ASB18: variants seen among roughly 807,000 people sequenced by gnomAD.
The protein encoded by ASB18 is ankyrin repeat and SOCS box containing 18, also known as ankyrin repeat and SOCS box protein 18.
A neutral mutation model predicts 33.4 loss-of-function variants in ASB18; 33 were observed. The observed-to-expected ratio is 0.99, with a 90% CI of 0.75 to 1.32. ASB18 has a LOEUF of 1.32. ASB18 is among the 40% of genes most tolerant of loss of function. The pLI, the probability that ASB18 is intolerant of heterozygous loss-of-function variation, is 0.00. For synonymous variants in ASB18, 295 were observed against 307.6 expected (o/e 0.96, Z 0.43); for missense variants, 694 against 655.5 (o/e 1.06, Z -0.64).
At position 236,200,685 on chromosome 2, in the gene ASB18, A is replaced by T. The variant is rs1247099158; in HGVS notation, c.1102-4300T>A. Among the ~76,000 whole-genome samples the T allele has an allele frequency of 1.3e-5, 2 of 152,210 alleles. No individual in the cohort carries two copies. The highest frequency in any genetic ancestry group is 2.9e-5 in the Non-Finnish European group (2 of 68,040). On this transcript the variant is annotated intron_variant, in intron 4 of 5. Transcript: ENST00000409749. This position sits in a 1 kb window ranked among gnomAD's most constrained non-coding sequence, Gnocchi z 4.2. ...GAAGGCAGAGGGCCGAGAGCTGTAG[A>T]ATGAGGTCCATACGGATCCATAAAG...
In ASB18 at chr2:236,234,517, T is replaced by C. The variant is rs13401552; in HGVS notation, c.596+3172A>G. Reference sequence around the variant, plus strand: ...TGGCTACTCTTCCTTTCACTCTTTATATAATAGAGTGGCTCCTCACGTCTT... The same window carrying C: ...TGGCTACTCTTCCTTTCACTCTTTACATAATAGAGTGGCTCCTCACGTCTT... On this transcript the variant is annotated intron_variant, in intron 3 of 5. Coordinates refer to ENST00000409749, the MANE Select transcript of ASB18 (RefSeq NM_212556.4). This position sits in a 1 kb window ranked among gnomAD's most constrained non-coding sequence, Gnocchi z 4.1. Among the ~76,000 whole-genome samples the C allele has an allele frequency of 4.1e-3, 619 of 152,326 alleles. 3 individuals are homozygous for C. Among genetic ancestry groups the C allele is most frequent in the African/African-American group, 0.014 (580 of 41,578 alleles).
chr2:236,248,833 G>A lies in ASB18; in HGVS notation c.206-7431C>T, dbSNP rs1021912352. 6.6e-6 allele frequency: 1 copy of A among 152,162 alleles called. No homozygotes were observed. The highest frequency in any genetic ancestry group is 1.5e-5 in the Non-Finnish European group (1 of 68,036). The allele number at this position is 152,162 out of a possible 1,614,324, so 9.4% of individuals were successfully genotyped here. On this transcript the variant is annotated intron_variant, in intron 1 of 5. Transcript: ENST00000409749. This position sits in a 1 kb window ranked among gnomAD's most constrained non-coding sequence, Gnocchi z 4.9. ...CATGACACAGCCAAGATTCCAAAAGGTCTCCACAGGTCAGAGCAACAGGCC... is the reference window on the plus strand; with the variant it reads ...CATGACACAGCCAAGATTCCAAAAGATCTCCACAGGTCAGAGCAACAGGCC...
chr2:236,219,290 G>A lies in ASB18; in HGVS notation c.597-4424C>T, dbSNP rs533261474. ...TTTCAAGTTATCCAAAATAAGTCAA[G>A]GTGCAGTTTGATACAAGAACCACAA... is the stretch of plus-strand genomic sequence containing the variant. On this transcript the variant is annotated intron_variant, in intron 3 of 5. Coordinates refer to ENST00000409749, the MANE Select transcript of ASB18 (RefSeq NM_212556.4). This position sits in a 1 kb window ranked among gnomAD's most constrained non-coding sequence, Gnocchi z 6.4. 8.8e-3 allele frequency among the ~76,000 whole-genome samples: 1,342 copies of A among 152,232 alleles called. 7 individuals are homozygous for A. The highest frequency in any genetic ancestry group is 0.012 in the Non-Finnish European group (818 of 68,024).
intron 1 of ASB18, among the ~76,000 whole-genome samples, chr2:236,243,173 A>G (rs1293093090): frequency 6.6e-6 from 1 of 151,644 alleles, no homozygotes; most frequent in African/African-American, 2.4e-5. Context: ...TACTAAAAAT[A>G]CAAAAAATTA....
rs75568596 is a variant in ASB18, at chr2:236,245,734, G to T, written c.206-4332C>A. ...CACTTCACCATGAGCTTTTTTGGAG[G>T]ACGGTGGGGGCTGCTGCTTCCTCTC... On this transcript the variant is annotated intron_variant, in intron 1 of 5. Transcript: ENST00000409749. The surrounding 1 kb of genome is among the most constrained non-coding windows in gnomAD (Gnocchi z 4.7). 0.01 allele frequency among the ~76,000 whole-genome samples: 1,573 copies of T among 152,268 alleles called. 24 individuals are homozygous for T. Among genetic ancestry groups the T allele is most frequent in the African/African-American group, 0.036 (1,500 of 41,540 alleles).
Position 236,223,158 on chromosome 2 carries a change from T to G in ASB18, c.597-8292A>C, listed in dbSNP as rs966829586. On this transcript the variant is annotated intron_variant, in intron 3 of 5. Coordinates refer to ENST00000409749, the MANE Select transcript of ASB18 (RefSeq NM_212556.4). The surrounding 1 kb of genome is among the most constrained non-coding windows in gnomAD (Gnocchi z 4.6). ...GCAGATCCCAGCATTATGCTTCCTG[T>G]ACAGCCTGCAGAACTGTGAGCCAAT... is the stretch of plus-strand genomic sequence containing the variant. Among the ~76,000 whole-genome samples, 2 of 152,244 alleles carry G rather than the reference T, an allele frequency of 1.3e-5. No individual in the cohort carries two copies. The highest frequency in any genetic ancestry group is 4.8e-5 in the African/African-American group (2 of 41,464).
Position 236,216,029 on chromosome 2 carries a change from T to C in ASB18, c.597-1163A>G, listed in dbSNP as rs1576399139. On this transcript the variant is annotated intron_variant, in intron 3 of 5. Transcript: ENST00000409749. This position sits in a 1 kb window ranked among gnomAD's most constrained non-coding sequence, Gnocchi z 6.1. ...GGGCAGCACTGTGGTCACCTCGTCA[T>C]CTGCATCCTCAGTTCCCTTGAATGG... Among the ~76,000 whole-genome samples, 1 of 152,154 alleles carries C rather than the reference T, an allele frequency of 6.6e-6. No homozygotes were observed. The highest frequency in any genetic ancestry group is 1.9e-4 in the East Asian group (1 of 5,182).
At position 236,216,161 on chromosome 2, in the gene ASB18, G is replaced by A. The variant is rs992645148; in HGVS notation, c.597-1295C>T. Among the ~76,000 whole-genome samples the A allele has an allele frequency of 3.9e-5, 6 of 152,152 alleles. No individual in the cohort carries two copies. The highest frequency in any genetic ancestry group is 7.3e-5 in the Non-Finnish European group (5 of 68,030). On this transcript the variant is annotated intron_variant, in intron 3 of 5. Coordinates refer to ENST00000409749, the MANE Select transcript of ASB18 (RefSeq NM_212556.4). The surrounding 1 kb of genome is among the most constrained non-coding windows in gnomAD (Gnocchi z 6.1). ...GGTCTGCCGAGCCCTGTTGGAGGAC[G>A]CAGCCTTCATGGAGCTGGCCTTGGT... is the stretch of plus-strand genomic sequence containing the variant.
At position 236,245,095 on chromosome 2, in the gene ASB18, G is replaced by T. The variant is rs58895794; in HGVS notation, c.206-3693C>A. 3.9e-5 allele frequency among the ~76,000 whole-genome samples: 6 copies of T among 152,152 alleles called. No homozygotes were observed. Among genetic ancestry groups the T allele is most frequent in the East Asian group, 1.9e-4 (1 of 5,172 alleles). ...GTGAGAGTCAACCTCAGCTGGGTGT[G>T]GGGGGAGACTTGGCCATGACCCAAA... On this transcript the variant is annotated intron_variant, in intron 1 of 5. Coordinates refer to ENST00000409749, the MANE Select transcript of ASB18 (RefSeq NM_212556.4). The surrounding 1 kb of genome is among the most constrained non-coding windows in gnomAD (Gnocchi z 4.7).
rs2060706508 is a variant in ASB18, at chr2:236,259,075, C to G, written c.205+5066G>C. On this transcript the variant is annotated intron_variant, in intron 1 of 5. Transcript: ENST00000409749. This position sits in a 1 kb window ranked among gnomAD's most constrained non-coding sequence, Gnocchi z 4.4. ...GTCTCACTGCCCCTCCCCCAGCCGT[C>G]CTTTCTCCCTCTCTGTGTTCTCTGC... 6.6e-6 allele frequency among the ~76,000 whole-genome samples: 1 copy of G among 152,194 alleles called. No individual in the cohort carries two copies. The highest frequency in any genetic ancestry group is 2.4e-5 in the African/African-American group (1 of 41,448).
rs142301906 is a variant in ASB18, at chr2:236,216,101, G to A, written c.597-1235C>T. On this transcript the variant is annotated intron_variant, in intron 3 of 5. Coordinates refer to ENST00000409749, the MANE Select transcript of ASB18 (RefSeq NM_212556.4). The surrounding 1 kb of genome is among the most constrained non-coding windows in gnomAD (Gnocchi z 6.1). ...ACTCAAATGGCCGAATCTTCAAGCCGGAGTCCATTCTTCACCCCCCTCCTT... is the reference window on the plus strand; with the variant it reads ...ACTCAAATGGCCGAATCTTCAAGCCAGAGTCCATTCTTCACCCCCCTCCTT... 7.9e-5 allele frequency among the ~76,000 whole-genome samples: 12 copies of A among 152,280 alleles called. No individual in the cohort carries two copies. Among genetic ancestry groups the A allele is most frequent in the African/African-American group, 2.6e-4 (11 of 41,558 alleles).
Position 236,221,327 on chromosome 2 carries a change from T to C in ASB18, c.597-6461A>G, listed in dbSNP as rs1282012179. ...TGAGTGGGGAAAGGGACATTGCTTCTGAACATTTTGTTAGTAATGTTAAAC... is the reference window on the plus strand; with the variant it reads ...TGAGTGGGGAAAGGGACATTGCTTCCGAACATTTTGTTAGTAATGTTAAAC... On this transcript the variant is annotated intron_variant, in intron 3 of 5. Transcript: ENST00000409749. The surrounding 1 kb of genome is among the most constrained non-coding windows in gnomAD (Gnocchi z 5.6). Among the ~76,000 whole-genome samples the C allele has an allele frequency of 1.3e-5, 2 of 152,256 alleles. No individual in the cohort carries two copies. Among genetic ancestry groups the C allele is most frequent in the Non-Finnish European group, 2.9e-5 (2 of 68,048 alleles).
In ASB18 at chr2:236,263,582, A is replaced by T. The variant is rs1036451326; in HGVS notation, c.205+559T>A. ...AAAATGTTATGTTCTTGTTCCAGTT[A>T]TATGGCTCCTAGGAATTTATGGTAA... On this transcript the variant is annotated intron_variant, in intron 1 of 5. Coordinates refer to ENST00000409749, the MANE Select transcript of ASB18 (RefSeq NM_212556.4). This position sits in a 1 kb window ranked among gnomAD's most constrained non-coding sequence, Gnocchi z 4.0. Among the ~76,000 whole-genome samples the T allele has an allele frequency of 6.6e-6, 1 of 152,254 alleles. No homozygotes were observed. The highest frequency in any genetic ancestry group is 2.4e-5 in the African/African-American group (1 of 41,476).
intron 4 of ASB18, among the ~76,000 whole-genome samples, chr2:236,199,732 GT>G (rs1476011000): frequency 6.6e-6 from 1 of 151,170 alleles, no homozygotes; most frequent in African/African-American, 2.4e-5. Flanking sequence ...AGCTATTTTT[GT>G]CAAGTTTTAA....
At position 236,219,766 on chromosome 2, in the gene ASB18, G is replaced by A. The variant is rs1035854368; in HGVS notation, c.597-4900C>T. ...GGTCTATGTCTGGGACCCAGCCTTG[G>A]CTGAGCCTTTTACTCCAAGGCAAGA... is the stretch of plus-strand genomic sequence containing the variant. On this transcript the variant is annotated intron_variant, in intron 3 of 5. Coordinates refer to ENST00000409749, the MANE Select transcript of ASB18 (RefSeq NM_212556.4). This position sits in a 1 kb window ranked among gnomAD's most constrained non-coding sequence, Gnocchi z 6.4. 6.6e-6 allele frequency among the ~76,000 whole-genome samples: 1 copy of A among 152,104 alleles called. No individual in the cohort carries two copies. Among genetic ancestry groups the A allele is most frequent in the African/African-American group, 2.4e-5 (1 of 41,408 alleles).
Position 236,263,996 on chromosome 2 carries a change from TA to T in ASB18, c.205+144del. 2.9e-6 allele frequency: 2 copies of T among 681,214 alleles called. No individual in the cohort carries two copies. The highest frequency in any genetic ancestry group is 5.1e-6 in the Non-Finnish European group (2 of 390,020). The allele number at this position is 681,214 out of a possible 1,614,324, so 42.2% of individuals were successfully genotyped here. A position where few individuals can be genotyped will look rare whatever the true frequency, so the allele number is the denominator to read the frequency against. Reference sequence around the variant, plus strand: ...GTACATGGTCTATGCAGTACACATATATGCATGTATGTATGAGAGTCAGATA... The same window carrying T: ...GTACATGGTCTATGCAGTACACATATTGCATGTATGTATGAGAGTCAGATA... On this transcript the variant is annotated intron_variant, in intron 1 of 5. Transcript: ENST00000409749. The surrounding 1 kb of genome is among the most constrained non-coding windows in gnomAD (Gnocchi z 4.0).
rs1317376707 is a variant in ASB18 at position 236,263,655 on chromosome 2, T to C, written c.205+486A>G. On this transcript the variant is annotated intron_variant, in intron 1 of 5. Coordinates refer to ENST00000409749, the MANE Select transcript of ASB18 (RefSeq NM_212556.4). The surrounding 1 kb of genome is among the most constrained non-coding windows in gnomAD (Gnocchi z 4.0). ...AAAGCCGTATGAATCCTAATAAAGA[T>C]GTTCGTTACAGCATTATTTATAGAA... Among the ~76,000 whole-genome samples, 1 of 152,224 alleles carries C rather than the reference T, an allele frequency of 6.6e-6. No individual in the cohort carries two copies. Among genetic ancestry groups the C allele is most frequent in the Admixed American group, 6.5e-5 (1 of 15,292 alleles).
At position 236,214,704 on chromosome 2, in the gene ASB18, C is replaced by G. The variant is rs1326228700; in HGVS notation, c.759G>C (p.Glu253Asp). Residue 253 changes from glutamate to aspartate, a missense_variant, in exon 4 of 6, where the codon GAG (glutamate) becomes GAC (aspartate). Glu to Asp is a conservative substitution (Grantham distance 45). Coordinates refer to ENST00000409749, the MANE Select transcript of ASB18 (RefSeq NM_212556.4). The surrounding 1 kb of genome is among the most constrained non-coding windows in gnomAD (Gnocchi z 6.5). ...AHVDARNGRGETALSAACGAA... is the reference protein window; with the variant it reads ...AHVDARNGRGDTALSAACGAA... ...CACCGCAGGCCGCGCTCAGAGCCGT[C>G]TCTCCGCGGCCGTTCCTCGCGTCCA... 1.7e-6 allele frequency: 2 copies of G among 1,150,444 alleles called. No individual in the cohort carries two copies. The highest frequency in any genetic ancestry group is 1.1e-6 in the Non-Finnish European group (1 of 936,606). 71.3% of individuals were successfully genotyped at this position (1,150,444 alleles called of 1,614,324 possible).
intron 3 of ASB18, among the ~76,000 whole-genome samples, chr2:236,230,363 A>C (rs1293982368): frequency 1.3e-5 from 2 of 149,920 alleles, no homozygotes; most frequent in Non-Finnish European, 3.0e-5. Flanking sequence ...TAAAGAAAGC[A>C]CTTCAAGCAG....
Sources: gnomAD v4.1 joint callset for allele counts (sites outside exome capture counted in the v4.1 genomes callset) on GRCh38, gnomAD v4.1.1 for gene constraint, Gnocchi (gnomAD v3.1) non-coding constraint, MANE v1.5 for transcripts, NCBI Gene and HGNC (gene_info 2026-07-23, HGNC 2026-07-21) for gene names.